Variants in ARHGEF4 observed in about 807,000 individuals in gnomAD.
The protein encoded by ARHGEF4 is APC-stimulated guanine nucleotide exchange factor 1.
ARHGEF4 carries 119 observed loss-of-function variants against 162.0 expected under a neutral mutation model. The ratio of observed to expected loss-of-function variants is 0.73; its 90% CI spans 0.63 to 0.86. ARHGEF4 has a LOEUF of 0.86. Among genes scored for constraint, ARHGEF4 ranks in the 40% least tolerant of loss-of-function variants. ARHGEF4 has a pLI of 0.00. For synonymous variants in ARHGEF4, 1,014 were observed against 979.9 expected, an observed-to-expected ratio of 1.03 and a Z score of -0.65; for missense variants, 2,488 against 2,456.0, an observed-to-expected ratio of 1.01 and a Z score of -0.28.
rs969597995 is a variant in ARHGEF4 at position 130,991,854 on chromosome 2, A to T, written c.3986-36091A>T. 2.6e-5 allele frequency among the ~76,000 whole-genome samples: 4 copies of T among 152,248 alleles called. 1 individual carries two copies. Among genetic ancestry groups the T allele is most frequent in the African/African-American group, 9.6e-5 (4 of 41,470 alleles). ...AGCACATGGCGCGGGACTGGCAGGC[A>T]GCTCCACCTGCAGCCCCGGTGCGGG... is the stretch of plus-strand genomic sequence containing the variant. On this transcript the variant is annotated intron_variant, in intron 4 of 13. Coordinates refer to ENST00000409359, the MANE Select transcript of ARHGEF4 (RefSeq NM_001367493.1).
At chr2:130,844,663 C>T (rs960545875) in intron 1 of ARHGEF4, among the ~76,000 whole-genome samples, 2 of 152,082 alleles carry the variant, frequency 1.3e-5, no homozygotes, top group Non-Finnish European at 2.9e-5. Context: ...CCATAGAGCT[C>T]TGTGCCCTGG....
intron 1 of ARHGEF4, among the ~76,000 whole-genome samples, chr2:130,842,689 GT>G (rs1407008812): frequency 6.6e-6 from 1 of 152,184 alleles, no homozygotes; most frequent in African/African-American, 2.4e-5. Context: ...CTTCCACGTG[GT>G]AATGTATTTC....
chr2:131,045,195 C>A (rs569382005), intron 12 of ARHGEF4, among the ~76,000 whole-genome samples, 174 bp from the exon 13 acceptor site: 6 of 152,198 alleles, frequency 3.9e-5, no homozygotes, highest in Non-Finnish European at 7.4e-5. Context: ...TGCCCTCTGC[C>A]CTGGTTGGCC....
At chr2:130,973,669 T>C (rs1443331583) in intron 4 of ARHGEF4, among the ~76,000 whole-genome samples, 3 of 152,154 alleles carry the variant, frequency 2.0e-5, no homozygotes, top group African/African-American at 7.2e-5. Context: ...CCAAAATATT[T>C]ACCATTTTAC....
At position 130,916,304 on chromosome 2, in the gene ARHGEF4, G is replaced by A; in HGVS notation, c.2358G>A (p.Gln786=). 1 of 1,541,198 alleles carries A rather than the reference G, an allele frequency of 6.5e-7. No homozygotes were observed. Among genetic ancestry groups the A allele is most frequent in the Non-Finnish European group, 8.7e-7 (1 of 1,144,394 alleles). Residue 786 remains glutamine (Q), a synonymous_variant, in exon 2 of 14, where the codon CAG becomes CAA. Transcript: ENST00000409359. The stretch of plus-strand genomic sequence containing the variant: ...CACGCGGGCTCCGCAAGGGCGCGCA[G>A]GAGCCTGGGAAGCGCCCGACGTTTT... The part of the protein sequence containing the change: ...QPPRGLRKGA[Q]EPGKRPTFSK...
Position 130,964,323 on chromosome 2 carries a change from C to G in ARHGEF4, c.3985+17688C>G, listed in dbSNP as rs573095596. 91 of 908,238 alleles carry G rather than the reference C, an allele frequency of 1.0e-4. 1 individual carries two copies. The African/African-American group carries it at 1.4e-3, about 14-fold the overall frequency. The allele number at this position is 908,238 out of a possible 1,614,324, so 56.3% of individuals were successfully genotyped here. A position where few individuals can be genotyped will look rare whatever the true frequency, so the allele number is the denominator to read the frequency against. On this transcript the variant is annotated intron_variant, in intron 4 of 13. Transcript: ENST00000409359. Reference sequence around the variant, plus strand: ...CTGTGCTCTTGGGACCCCCCGCCCCCCTCCTGCCTTTCCTTCTCCTCCCTC... The same window carrying G: ...CTGTGCTCTTGGGACCCCCCGCCCCGCTCCTGCCTTTCCTTCTCCTCCCTC...
At chr2:131,035,169 GC>G (rs1243170891) in intron 5 of ARHGEF4, 41 of 1,219,480 alleles carry the variant, frequency 3.4e-5, no homozygotes, top group Admixed American at 4.3e-5. Context: ...GCTGCAACCT[GC>G]CCCCCGGCGC....
At chr2:130,991,656 C>G (rs969001247) in intron 4 of ARHGEF4, among the ~76,000 whole-genome samples, 1 of 152,260 alleles carries the variant, frequency 6.6e-6, no homozygotes, top group Non-Finnish European at 1.5e-5. Context: ...CACTAGATTT[C>G]TCACTGGGCC....
intron 4 of ARHGEF4, among the ~76,000 whole-genome samples, chr2:130,995,866 A>G (rs1283380295): frequency 6.6e-6 from 1 of 150,416 alleles, no homozygotes; most frequent in Admixed American, 6.6e-5. Flanking sequence ...AGCCCCTTGA[A>G]GTTATTAAAA....
At chr2:131,024,029 G>C (rs1689310586) in intron 4 of ARHGEF4, among the ~76,000 whole-genome samples, 2 of 152,296 alleles carry the variant, frequency 1.3e-5, no homozygotes, top group Admixed American at 1.3e-4. Context: ...AACCTCAAAA[G>C]CCTACATACA....
chr2:130,872,400 C>T (rs760844525), intron 1 of ARHGEF4, among the ~76,000 whole-genome samples: 18 of 152,168 alleles, frequency 1.2e-4, no homozygotes, highest in Non-Finnish European at 2.1e-4. Flanking sequence ...GGAAACCCAG[C>T]CCTGGTGGCT....
chr2:130,936,905 C>CTTTTTTTTTTTTTTTTTT (rs36086542), intron 3 of ARHGEF4, among the ~76,000 whole-genome samples: 11 of 82,330 alleles, frequency 1.3e-4, no homozygotes, highest in African/African-American at 3.2e-4. Context: ...TTTCTTTTTT[C>CTTTTTTTTTTTTTTTTTT]TTTTTTTTTT....
At chr2:130,851,159 T>A (rs1312844109) in intron 1 of ARHGEF4, among the ~76,000 whole-genome samples, 2 of 152,200 alleles carry the variant, frequency 1.3e-5, no homozygotes, top group Non-Finnish European at 2.9e-5. Context: ...TGCCTGCACT[T>A]TGAGAAGGGT....
chr2:130,916,788 C>T lies in ARHGEF4; in HGVS notation c.2842C>T (p.Arg948Cys), dbSNP rs1681526474. ...PKGEKEKSRL[R>C]QGSWRAFLKS... ...GGGCGAGAAGGAGAAGAGCAGGCTG[C>T]GCCAGGGTTCCTGGCGGGCGTTTCT... The change falls in exon 2 of 14, where the codon CGC becomes TGC. Residue 948 changes from arginine to cysteine, a missense_variant. This residue lies in a region of ARHGEF4 where 1,642 missense variants were observed against 1,481.5 expected (regional missense o/e 1.11). Coordinates refer to ENST00000409359, the MANE Select transcript of ARHGEF4 (RefSeq NM_001367493.1). The T allele has an allele frequency of 1.3e-6, 2 of 1,550,394 alleles. No individual in the cohort carries two copies. The highest frequency in any genetic ancestry group is 1.7e-6 in the Non-Finnish European group (2 of 1,147,014).
intron 2 of ARHGEF4, among the ~76,000 whole-genome samples, chr2:130,924,269 G>A (rs1352208171): frequency 1.7e-5 from 2 of 120,682 alleles, no homozygotes; most frequent in East Asian, 2.8e-4. Flanking sequence ...CTGTGAGACC[G>A]TGGCATAGTT....
At chr2:130,891,190 C>A (rs1473695017) in intron 1 of ARHGEF4, among the ~76,000 whole-genome samples, 1 of 152,166 alleles carries the variant, frequency 6.6e-6, no homozygotes, top group Non-Finnish European at 1.5e-5. Context: ...CTGATACATC[C>A]CTGTGACTAT....
intron 1 of ARHGEF4, among the ~76,000 whole-genome samples, chr2:130,848,081 C>G (rs1474983337): frequency 2.0e-5 from 3 of 152,182 alleles, no homozygotes; most frequent in Non-Finnish European, 4.4e-5. Flanking sequence ...GGGCCTCTGC[C>G]CAGGTGGGCA....
chr2:130,956,816 C>T (rs988698698), intron 4 of ARHGEF4, among the ~76,000 whole-genome samples: 3 of 75,344 alleles, frequency 4.0e-5, no homozygotes, highest in Admixed American at 2.1e-4. Context: ...AGGGGACTGT[C>T]GTGGGGTGGG....
intron 1 of ARHGEF4, among the ~76,000 whole-genome samples, chr2:130,906,948 T>C (rs7591219): frequency 0.059 from 8,992 of 152,186 alleles, 534 homozygotes; most frequent in East Asian, 0.2. Flanking sequence ...TTTGGTAGAT[T>C]TTGGCAAATT....
Sources: gnomAD v4.1 joint callset for allele counts (sites outside exome capture counted in the v4.1 genomes callset) on GRCh38, gnomAD v4.1.1 for gene constraint, gnomAD v4.1.1 regional missense constraint, MANE v1.5 for transcripts, NCBI Gene and HGNC (gene_info 2026-07-23, HGNC 2026-07-21) for gene names.